Variants in ONECUT1 observed in about 807,000 individuals in gnomAD.
ONECUT1 encodes one cut homeobox 1, also known as hepatocyte nuclear factor 6.
Under a neutral mutation model 25.6 loss-of-function variants are expected in ONECUT1, and 12 were observed. The observed-to-expected ratio is 0.47, with a 90% confidence interval of 0.30 to 0.76. The LOEUF is 0.76. Ranked by LOEUF, ONECUT1 falls within the 30% of genes least tolerant of loss-of-function variation. ONECUT1 has a pLI of 0.07. For synonymous variants in ONECUT1, 285 were observed against 270.2 expected, an observed-to-expected ratio of 1.05 and a Z score of -0.54; for missense variants, 620 against 651.2, an observed-to-expected ratio of 0.95 and a Z score of 0.52.
chr15:52,770,479 T>A (rs895260609), intron 1 of ONECUT1, among the ~76,000 whole-genome samples: 1 of 152,176 alleles, frequency 6.6e-6, no homozygotes, highest in Non-Finnish European at 1.5e-5. Flanking sequence ...AGCTCCCAGG[T>A]GATGTCTAGC....
intron 1 of ONECUT1, among the ~76,000 whole-genome samples, chr15:52,762,245 CT>C (rs903363315): frequency 1.3e-5 from 2 of 152,212 alleles, no homozygotes; most frequent in African/African-American, 4.8e-5. Context: ...GAAGCTACCC[CT>C]GAGCCAGCAT....
chr15:52,768,302 C>A (rs1267737900), intron 1 of ONECUT1, among the ~76,000 whole-genome samples: 1 of 152,022 alleles, frequency 6.6e-6, no homozygotes, highest in Non-Finnish European at 1.5e-5. Flanking sequence ...ATCACATGTA[C>A]CCCACAAATA....
intron 1 of ONECUT1, chr15:52,780,801 G>A: frequency 7.2e-7 from 1 of 1,384,542 alleles, no homozygotes; most frequent in Non-Finnish European, 9.3e-7. Flanking sequence ...GCGTTCCTTC[G>A]ATAACCTCTC....
chr15:52,782,069 G>A (rs113778685), intron 1 of ONECUT1, among the ~76,000 whole-genome samples: 3,114 of 152,198 alleles, frequency 0.02, 75 homozygotes, highest in African/African-American at 0.068. Flanking sequence ...GAGTTCCAGG[G>A]TACATGTGCA....
chr15:52,780,691 G>A (rs535765134), intron 1 of ONECUT1: 95 of 1,519,210 alleles, frequency 6.3e-5, no homozygotes, highest in Non-Finnish European at 8.1e-5. Context: ...GAGCACAGAG[G>A]TCACTAGGTG....
In ONECUT1 at chr15:52,774,821, T is replaced by C. The variant is rs78867716; in HGVS notation, c.1105+13959A>G. Among the ~76,000 whole-genome samples the C allele has an allele frequency of 3.9e-3, 589 of 152,288 alleles. 17 individuals carry two copies. The East Asian group carries it at 0.097, about 25-fold the overall frequency. On this transcript the variant is annotated intron_variant, in intron 1 of 1. Transcript: ENST00000305901. Reference sequence around the variant, plus strand: ...TTGAGGGTAGTGCTCCAAAATGATATTGTAGTTGTGTCTGAGTGTATTTAT... The same window carrying C: ...TTGAGGGTAGTGCTCCAAAATGATACTGTAGTTGTGTCTGAGTGTATTTAT...
intron 1 of ONECUT1, among the ~76,000 whole-genome samples, chr15:52,775,107 T>G (rs1429380195): frequency 1.3e-5 from 2 of 151,746 alleles, no homozygotes; most frequent in Admixed American, 6.6e-5. Flanking sequence ...GGAGAATCAC[T>G]TGAACCCAGG....
At chr15:52,780,630 C>G (rs1276114339) in intron 1 of ONECUT1, 1 of 1,535,292 alleles carries the variant, frequency 6.5e-7, no homozygotes, top group Non-Finnish European at 8.7e-7. Flanking sequence ...CATCAATACT[C>G]GAATCGCTTT....
chr15:52,770,008 A>T (rs924919474), intron 1 of ONECUT1, among the ~76,000 whole-genome samples: 3 of 152,222 alleles, frequency 2.0e-5, no homozygotes, highest in Non-Finnish European at 4.4e-5. Flanking sequence ...ATGCTTTATA[A>T]ATAAGGTGAA....
Position 52,789,533 on chromosome 15 carries a change from C to T in ONECUT1, c.352G>A (p.Val118Ile). The part of the protein sequence containing the change: ...PLQPLPPIST[V>I]SDKFPHHHHH... ...TGATGGTGGGGGAACTTGTCCGAGA[C>T]TGTGGAGATGGGAGGCAGCGGCTGC... Residue 118 changes from valine to isoleucine, a missense_variant, in exon 1 of 2, where the codon GTC becomes ATC. Physicochemically the swap from Val to Ile is conservative, Grantham distance 29. Transcript: ENST00000305901. The surrounding 1 kb of genome is among the most constrained non-coding windows in gnomAD (Gnocchi z 4.1). 6.2e-7 allele frequency: 1 copy of T among 1,605,946 alleles called. No homozygotes were observed. Among genetic ancestry groups the T allele is most frequent in the Non-Finnish European group, 8.5e-7 (1 of 1,175,880 alleles).
At chr15:52,776,395 C>T (rs778375282) in intron 1 of ONECUT1, among the ~76,000 whole-genome samples, 17 of 152,174 alleles carry the variant, frequency 1.1e-4, no homozygotes, top group Non-Finnish European at 1.8e-4. Flanking sequence ...CATGTCTACT[C>T]GACTTTAGAA....
intron 1 of ONECUT1, among the ~76,000 whole-genome samples, chr15:52,778,969 T>C (rs1332298391): frequency 6.6e-6 from 1 of 151,488 alleles, no homozygotes; most frequent in Admixed American, 6.6e-5. Context: ...TCTGGGGCAC[T>C]TTATTCTTAA....
intron 1 of ONECUT1, among the ~76,000 whole-genome samples, chr15:52,765,348 C>G (rs990111801): frequency 1.3e-5 from 2 of 152,160 alleles, no homozygotes; most frequent in African/African-American, 4.8e-5. Flanking sequence ...GTAAGAGCAG[C>G]GGCAGCCAGC....
intron 1 of ONECUT1, among the ~76,000 whole-genome samples, chr15:52,768,647 T>TA (rs111299718): frequency 0.019 from 2,852 of 152,338 alleles, 87 homozygotes; most frequent in African/African-American, 0.066. Context: ...ATGTATATGT[T>TA]ACTTTATAGT....
At chr15:52,780,067 C>G (rs547646466) in intron 1 of ONECUT1, among the ~76,000 whole-genome samples, 1 of 152,188 alleles carries the variant, frequency 6.6e-6, no homozygotes, top group Non-Finnish European at 1.5e-5. Context: ...CCTCCCTATC[C>G]CTTCCCATCT....
At chr15:52,771,534 C>A (rs1005263568) in intron 1 of ONECUT1, among the ~76,000 whole-genome samples, 10 of 150,654 alleles carry the variant, frequency 6.6e-5, no homozygotes, top group African/African-American at 2.4e-4. Flanking sequence ...AATTGTGTTT[C>A]TTCCTAAATG....
chr15:52,772,833 G>A (rs1299145296), intron 1 of ONECUT1, among the ~76,000 whole-genome samples: 1 of 152,176 alleles, frequency 6.6e-6, no homozygotes, highest in African/African-American at 2.4e-5. Flanking sequence ...TTGTTTTAGG[G>A]TTGTTACATT....
chr15:52,767,462 C>A (rs1010718720), intron 1 of ONECUT1, among the ~76,000 whole-genome samples: 1 of 152,170 alleles, frequency 6.6e-6, no homozygotes, highest in Admixed American at 6.5e-5. Context: ...ATACTGGCAT[C>A]GTCCTCTCGC....
chr15:52,780,541 A>G (rs2083834031), intron 1 of ONECUT1: 18 of 1,503,844 alleles, frequency 1.2e-5, no homozygotes, highest in Non-Finnish European at 1.6e-5. Context: ...CTTTAACTGC[A>G]TCTTAATTAC....
Sources: allele counts gnomAD v4.1 joint callset (sites outside exome capture counted in the v4.1 genomes callset), GRCh38; gene constraint gnomAD v4.1.1; non-coding constraint Gnocchi (gnomAD v3.1); transcripts MANE v1.5; gene names NCBI Gene and HGNC (gene_info 2026-07-23, HGNC 2026-07-21).